Variants in VPS13B observed in about 807,000 individuals in gnomAD.
VPS13B encodes the protein vacuolar protein sorting 13 homolog B.
In VPS13B, 285 loss-of-function variants were observed where a neutral mutation model predicts 426.4. The observed-to-expected ratio is 0.67, with a 90% CI of 0.61 to 0.74. The LOEUF is 0.74. Ranked by LOEUF, VPS13B falls within the 30% of genes least tolerant of loss-of-function variation. VPS13B has a pLI of 0.00. For synonymous variants in VPS13B, 1,676 were observed against 1,676.4 expected, an observed-to-expected ratio of 1.00 and a Z score of 0.01; for missense variants, 4,537 against 4,782.6, an observed-to-expected ratio of 0.95 and a Z score of 1.51.
chr8:99,756,720 AG>A (rs1810660471), intron 39 of VPS13B, among the ~76,000 whole-genome samples: 1 of 152,230 alleles, frequency 6.6e-6, no homozygotes, highest in African/African-American at 2.4e-5. Flanking sequence ...AATGAGAAAA[AG>A]CCTGCCAAAT....
intron 13 of VPS13B, among the ~76,000 whole-genome samples, chr8:99,143,620 G>A (rs180755055): frequency 4.6e-5 from 7 of 152,158 alleles, no homozygotes; most frequent in East Asian, 1.9e-4. Flanking sequence ...CATAAAATAC[G>A]AATTCCTTTT....
chr8:99,603,969 A>G (rs746322382), intron 33 of VPS13B, among the ~76,000 whole-genome samples: 27 of 152,186 alleles, frequency 1.8e-4, no homozygotes, highest in African/African-American at 5.3e-4. Context: ...ATAAATCAAA[A>G]TCTAGAAAAA....
chr8:99,143,107 G>C lies in VPS13B; in HGVS notation c.1785G>C (p.Leu595Phe). Reference protein sequence around the residue: ...RLDSSAVHRILKMIVCALEHE... With the variant: ...RLDSSAVHRIFKMIVCALEHE... ...ATAGCAGTGCGGTGCATAGGATTTT[G>C]AAAATGATTGTGTGTGCCTTGGAAC... The change falls in exon 13 of 62, where the codon TTG becomes TTC. Residue 595 changes from leucine to phenylalanine, a missense_variant. Around this residue, in one of 2 missense-constraint regions of VPS13B, gnomAD observed 4,311 missense variants for 4,474.3 expected, o/e 0.96. Transcript: ENST00000357162. The C allele has an allele frequency of 6.2e-7, 1 of 1,614,008 alleles. No individual in the cohort carries two copies. Among genetic ancestry groups the C allele is most frequent in the Non-Finnish European group, 8.5e-7 (1 of 1,179,952 alleles).
intron 21 of VPS13B, among the ~76,000 whole-genome samples, chr8:99,408,277 G>A (rs957815187): frequency 6.6e-5 from 10 of 152,088 alleles, no homozygotes; most frequent in African/African-American, 2.4e-4. Context: ...AGTGTAGAAG[G>A]AGATAAGCCG....
intron 19 of VPS13B, among the ~76,000 whole-genome samples, chr8:99,351,644 T>C (rs1811903476): frequency 6.6e-6 from 1 of 152,086 alleles, no homozygotes; most frequent in Admixed American, 6.5e-5. Flanking sequence ...TAGCGTTTCA[T>C]TTATACTTAT....
intron 21 of VPS13B, among the ~76,000 whole-genome samples, chr8:99,413,606 A>T (rs10955208): frequency 1.6e-4 from 25 of 152,026 alleles, no homozygotes; most frequent in African/African-American, 4.8e-4. Flanking sequence ...CTTTAGCTGT[A>T]TCCCCGAGAT....
intron 21 of VPS13B, among the ~76,000 whole-genome samples, chr8:99,399,937 G>A (rs1272292999): frequency 6.6e-6 from 1 of 152,052 alleles, no homozygotes; most frequent in African/African-American, 2.4e-5. Flanking sequence ...TCTTGAGAGA[G>A]TAGCAATTAT....
chr8:99,868,359 A>G lies in VPS13B; in HGVS notation c.11286A>G (p.Ala3762=), dbSNP rs753111178. 2 of 1,614,210 alleles carry G rather than the reference A, an allele frequency of 1.2e-6. No homozygotes were observed. The highest frequency in any genetic ancestry group is 1.1e-5 in the South Asian group (1 of 91,080). The change falls in exon 59 of 62, where the codon GCA becomes GCG. Residue 3762 remains alanine (A), a synonymous_variant. Coordinates refer to ENST00000357162, the MANE Select transcript of VPS13B (RefSeq NM_152564.5). ...FQKTSEAQAS[A]GHKAKGVISG... ...AAACATCTGAGGCACAGGCTTCAGC[A>G]GGACACAAGGCCAAGGGTGTCATCT...
chr8:99,802,717 T>G (rs1813188948), intron 43 of VPS13B, among the ~76,000 whole-genome samples: 1 of 152,192 alleles, frequency 6.6e-6, no homozygotes, highest in Non-Finnish European at 1.5e-5. Flanking sequence ...GTAATGTGTG[T>G]TTTTCAATTA....
chr8:99,618,597 G>A (rs1274302520), intron 33 of VPS13B, among the ~76,000 whole-genome samples: 3 of 152,174 alleles, frequency 2.0e-5, no homozygotes, highest in Admixed American at 2.0e-4. Flanking sequence ...ACAAGGGAAA[G>A]TCTAAAAATT....
intron 23 of VPS13B, among the ~76,000 whole-genome samples, chr8:99,460,767 T>C (rs1818783046): frequency 6.6e-6 from 1 of 152,192 alleles, no homozygotes; most frequent in Non-Finnish European, 1.5e-5. Flanking sequence ...TGTTATCAGT[T>C]TCCACTGATA....
chr8:99,619,703 C>G (rs900696832), intron 33 of VPS13B, among the ~76,000 whole-genome samples: 1 of 152,036 alleles, frequency 6.6e-6, no homozygotes, highest in Non-Finnish European at 1.5e-5. Context: ...GAAACCTTGT[C>G]TCTACAAAAA....
chr8:99,095,034 C>T (rs1375561043), intron 3 of VPS13B, among the ~76,000 whole-genome samples: 1 of 152,154 alleles, frequency 6.6e-6, no homozygotes, highest in Non-Finnish European at 1.5e-5. Flanking sequence ...TACCTATTTT[C>T]TCTTCGTAAT....
chr8:99,406,928 G>A (rs896236390), intron 21 of VPS13B, among the ~76,000 whole-genome samples: 1 of 152,192 alleles, frequency 6.6e-6, no homozygotes, highest in Non-Finnish European at 1.5e-5. Context: ...CTTTCATTTG[G>A]ATGGGAACAG....
intron 44 of VPS13B, among the ~76,000 whole-genome samples, chr8:99,811,867 A>G (rs1205458128): frequency 6.6e-6 from 1 of 152,192 alleles, no homozygotes; most frequent in Non-Finnish European, 1.5e-5. Context: ...TAAAATGCTT[A>G]CAACGTGCCT....
At chr8:99,544,838 A>T (rs1253522067) in intron 30 of VPS13B, among the ~76,000 whole-genome samples, 1 of 152,186 alleles carries the variant, frequency 6.6e-6, no homozygotes, top group East Asian at 1.9e-4. Context: ...GCATTTAGAT[A>T]GCATTTTACA....
rs372179814 is a variant in VPS13B at position 99,249,788 on chromosome 8, C to T, written c.2516-24410C>T. Among the ~76,000 whole-genome samples the T allele has an allele frequency of 6.6e-5, 10 of 152,274 alleles. No homozygotes were observed. The East Asian group carries it at 1.4e-3, about 21-fold the overall frequency. On this transcript the variant is annotated intron_variant, in intron 17 of 61. Transcript: ENST00000357162. ...AGGCATGATGGCTCATGCCTGTAAT[C>T]CCAACACTTTGGGAAGCTAAGGTGG...
intron 23 of VPS13B, among the ~76,000 whole-genome samples, chr8:99,461,869 ATAGTTGGTTATCTTTCTTTCTACC>A (rs1201780739): frequency 2.2e-4 from 33 of 152,166 alleles, no homozygotes; most frequent in African/African-American, 8.0e-4. Flanking sequence ...ATATCAGTTA[ATAGTTGGTTATCTTTCTTTCTACC>A]ACTAGAATGC....
intron 21 of VPS13B, among the ~76,000 whole-genome samples, chr8:99,424,776 G>C (rs550278416): frequency 6.6e-6 from 1 of 152,078 alleles, no homozygotes; most frequent in Non-Finnish European, 1.5e-5. Flanking sequence ...ATGAATCCAG[G>C]AGCTGGTTTT....
Sources: gnomAD v4.1 joint callset for allele counts (sites outside exome capture counted in the v4.1 genomes callset) on GRCh38, gnomAD v4.1.1 for gene constraint, gnomAD v4.1.1 regional missense constraint, MANE v1.5 for transcripts, NCBI Gene and HGNC (gene_info 2026-07-23, HGNC 2026-07-21) for gene names.